XRN1: variants seen among roughly 807,000 people sequenced by gnomAD.
The protein encoded by XRN1 is strand-exchange protein 1 homolog.
In XRN1, 67 loss-of-function variants were observed where a neutral mutation model predicts 222.3. The observed-to-expected ratio is 0.30, with a 90% CI of 0.25 to 0.37. The LOEUF (loss-of-function observed/expected upper bound fraction) is 0.37, where lower values mean the gene tolerates loss of function less well. Ranked by LOEUF, XRN1 falls within the 10% of genes least tolerant of loss-of-function variation. XRN1 has a pLI of 1.00. For synonymous variants in XRN1, 643 were observed against 652.4 expected (o/e 0.99, Z 0.22); for missense variants, 1,707 against 2,000.2 (o/e 0.85, Z 2.80).
chr3:142,334,376 AT>A (rs1176484349), intron 34 of XRN1, among the ~76,000 whole-genome samples: 5 of 151,948 alleles, frequency 3.3e-5, no homozygotes, highest in African/African-American at 1.2e-4. Context: ...TAAGAGATCA[AT>A]TTAAAAAAAT....
intron 24 of XRN1, 120 bp from the exon 25 acceptor site, chr3:142,376,064 T>C: frequency 7.3e-7 from 1 of 1,377,818 alleles, no homozygotes. Flanking sequence ...AAAGCTCAGT[T>C]TTGATTATTC....
chr3:142,355,269 A>G, intron 32 of XRN1, 132 bp downstream of exon 32: 1 of 496,278 alleles, frequency 2.0e-6, no homozygotes, highest in Non-Finnish European at 3.3e-6. Context: ...AAGAAAAAGA[A>G]AATTCATGAT....
At chr3:142,389,088 C>A (rs564131844) in intron 20 of XRN1, among the ~76,000 whole-genome samples, 3 of 152,272 alleles carry the variant, frequency 2.0e-5, no homozygotes, top group African/African-American at 7.2e-5. Flanking sequence ...GTGGCGCTTG[C>A]CTGAATCCCA....
At chr3:142,340,540 A>G (rs1168982794) in intron 33 of XRN1, among the ~76,000 whole-genome samples, 1 of 152,116 alleles carries the variant, frequency 6.6e-6, no homozygotes, top group Non-Finnish European at 1.5e-5. Flanking sequence ...TCTCATATCT[A>G]GAGAAAGGTA....
chr3:142,365,282 ACT>A (rs763168652), intron 28 of XRN1, 26 bp downstream of exon 28: 1 of 1,587,182 alleles, frequency 6.3e-7, no homozygotes, highest in Admixed American at 1.8e-5. Flanking sequence ...GAAAGCAACA[ACT>A]CTGAATTCTT....
chr3:142,421,393 C>T, intron 9 of XRN1, 83 bp downstream of exon 9: 1 of 1,125,008 alleles, frequency 8.9e-7, no homozygotes, highest in Non-Finnish European at 1.3e-6. Context: ...TTATAAAACC[C>T]CTTTCTTCTG....
rs1221055643 is a variant in XRN1 at position 142,418,551 on chromosome 3, A to G, written c.1299T>C (p.Tyr433=). ...TCTTCGTCATGTAATATGTTCTTTT[A>G]TATTGTCTAAACTCAGTTTCAAATA... ...DDLFETEFRQ[Y]KRTYYMTKMG... The change falls in exon 12 of 41, where the codon TAT becomes TAC. Residue 433 remains tyrosine (Y), a synonymous_variant. Coordinates refer to ENST00000392981, the MANE Select transcript of XRN1 (RefSeq NM_001282857.2). 6.2e-7 allele frequency: 1 copy of G among 1,612,124 alleles called. No homozygotes were observed. The highest frequency in any genetic ancestry group is 1.1e-5 in the South Asian group (1 of 90,388).
chr3:142,390,132 T>C (rs949465807), intron 20 of XRN1, among the ~76,000 whole-genome samples: 6 of 152,334 alleles, frequency 3.9e-5, no homozygotes, highest in South Asian at 2.1e-4. Context: ...AGCACAGGCA[T>C]AGATTTAGCA....
chr3:142,422,492 C>T, intron 8 of XRN1, 90 bp downstream of exon 8: 2 of 1,318,372 alleles, frequency 1.5e-6, no homozygotes, highest in Non-Finnish European at 1.1e-6. Flanking sequence ...CTTTAGCGTG[C>T]ATGCAATAAT....
At chr3:142,429,339 G>C (rs544818717) in intron 2 of XRN1, among the ~76,000 whole-genome samples, 1 of 151,808 alleles carries the variant, frequency 6.6e-6, no homozygotes, top group South Asian at 2.1e-4. Flanking sequence ...TAGTAGAGAC[G>C]GGGTTTCACC....
chr3:142,434,529 T>C (rs887554396), intron 1 of XRN1, among the ~76,000 whole-genome samples: 2 of 149,612 alleles, frequency 1.3e-5, no homozygotes, highest in Non-Finnish European at 3.0e-5. Flanking sequence ...TTTTTTTTTT[T>C]ACATTTTACA....
Position 142,384,581 on chromosome 3 carries a change from C to T in XRN1, c.2444G>A (p.Arg815His), listed in dbSNP as rs146549582. Reference sequence around the variant, plus strand: ...TTGTTTTGACCACTGTTTCTCTAGACGAACTTCACCATTTTGATTTATTTG... The same window carrying T: ...TTGTTTTGACCACTGTTTCTCTAGATGAACTTCACCATTTTGATTTATTTG... ...KYQINQNGEV[R>H]LEKQWSKQVV... Residue 815 changes from arginine (R) to histidine (H), a missense_variant, in exon 21 of 41, where the codon CGT becomes CAT. Around this residue, in one of 2 missense-constraint regions of XRN1, gnomAD observed 1,234 missense variants for 1,518.2 expected, o/e 0.81. Transcript: ENST00000392981. 6.2e-6 allele frequency: 10 copies of T among 1,612,658 alleles called. No homozygotes were observed. The highest frequency in any genetic ancestry group is 1.3e-5 in the African/African-American group (1 of 74,846).
At chr3:142,398,730 C>T (rs1421306980) in intron 19 of XRN1, among the ~76,000 whole-genome samples, 1 of 152,064 alleles carries the variant, frequency 6.6e-6, no homozygotes, top group Admixed American at 6.6e-5. Flanking sequence ...GCCCTAACTT[C>T]TAGCTTACAG....
intron 32 of XRN1, among the ~76,000 whole-genome samples, chr3:142,352,526 T>C (rs2066338883): frequency 6.6e-6 from 1 of 151,734 alleles, no homozygotes; most frequent in Non-Finnish European, 1.5e-5. Flanking sequence ...ACCATTTATG[T>C]TTATATTCCC....
At chr3:142,314,108 AT>A (rs2065145533) in intron 39 of XRN1, among the ~76,000 whole-genome samples, 3 of 152,202 alleles carry the variant, frequency 2.0e-5, no homozygotes, top group Admixed American at 2.0e-4. Context: ...CAACTGGGAC[AT>A]TTTACATCAC....
intron 2 of XRN1, among the ~76,000 whole-genome samples, chr3:142,431,918 A>ATTG (rs1475110836): frequency 1.3e-5 from 1 of 79,082 alleles, no homozygotes; most frequent in African/African-American, 5.0e-5. Flanking sequence ...ATATAAATAT[A>ATTG]TATAATATAA....
intron 23 of XRN1, among the ~76,000 whole-genome samples, chr3:142,378,396 C>CA (rs2067203997): frequency 6.6e-6 from 1 of 151,900 alleles, no homozygotes; most frequent in Non-Finnish European, 1.5e-5. Flanking sequence ...ACAGAAAACA[C>CA]AAAAAATAGA....
At chr3:142,335,083 C>T (rs762203854) in intron 34 of XRN1, among the ~76,000 whole-genome samples, 6 of 151,990 alleles carry the variant, frequency 3.9e-5, no homozygotes, top group African/African-American at 1.2e-4. Context: ...TCAGGTGATC[C>T]GCCCACCTTG....
Position 142,365,129 on chromosome 3 carries a change from A to G in XRN1, c.3312T>C (p.Cys1104=). 6 of 1,613,550 alleles carry G rather than the reference A, an allele frequency of 3.7e-6. No individual in the cohort carries two copies. The highest frequency in any genetic ancestry group is 5.1e-6 in the Non-Finnish European group (6 of 1,179,676). Residue 1104 remains cysteine, a synonymous_variant, in exon 29 of 41, where the codon TGT becomes TGC. Coordinates refer to ENST00000392981, the MANE Select transcript of XRN1 (RefSeq NM_001282857.2). ...GVIPDRDAEF[C]LFDRVVNVRE... ...TCACATTTACAACACGGTCAAAAAG[A>G]CAAAATTCTGCATCCCGATCAGGAA...
Sources: gnomAD v4.1 joint callset for allele counts (sites outside exome capture counted in the v4.1 genomes callset) on GRCh38, gnomAD v4.1.1 for gene constraint, gnomAD v4.1.1 regional missense constraint, MANE v1.5 for transcripts, NCBI Gene and HGNC (gene_info 2026-07-23, HGNC 2026-07-21) for gene names.